PPIG: variants seen among roughly 807,000 people sequenced by gnomAD.
PPIG encodes the protein peptidylprolyl isomerase G, also known as peptidyl-prolyl cis-trans isomerase G.
PPIG carries 26 observed loss-of-function variants against 87.9 expected under a neutral mutation model. The observed-to-expected ratio is 0.30, with a 90% CI of 0.22 to 0.41. The LOEUF is 0.41. PPIG is among the 10% of genes least tolerant of loss of function. The pLI, the probability that PPIG is intolerant of heterozygous loss-of-function variation, is 1.00. For synonymous variants in PPIG, 308 were observed against 276.5 expected (o/e 1.11, Z -1.13); for missense variants, 722 against 879.4 (o/e 0.82, Z 2.26).
intron 1 of PPIG, among the ~76,000 whole-genome samples, chr2:169,598,842 T>TAAATACA (rs1346670671): frequency 7.4e-5 from 11 of 148,918 alleles, no homozygotes; most frequent in African/African-American, 2.7e-4. Context: ...AATATTTATA[T>TAAATACA]GTATATAAAT....
At chr2:169,587,403 A>C (rs1684733260) in intron 1 of PPIG, among the ~76,000 whole-genome samples, 1 of 151,256 alleles carries the variant, frequency 6.6e-6, no homozygotes, top group Non-Finnish European at 1.5e-5. Flanking sequence ...CACCACACCC[A>C]GCTGATTTTT....
chr2:169,624,891 G>C (rs762023778), intron 9 of PPIG, among the ~76,000 whole-genome samples: 9 of 152,100 alleles, frequency 5.9e-5, no homozygotes, highest in Non-Finnish European at 1.0e-4. Flanking sequence ...CGCCCAGCCG[G>C]AAGTAGGTTT....
chr2:169,606,243 C>G (rs140041748), intron 5 of PPIG, 97 bp downstream of exon 5: 1 of 845,922 alleles, frequency 1.2e-6, no homozygotes, highest in Non-Finnish European at 2.0e-6. Context: ...ATTCTTGTCA[C>G]TCTCACTCCA....
Position 169,638,678 on chromosome 2 carries a change from A to G in PPIG, c.*1155A>G, listed in dbSNP as rs1339487870. ...TTAATGTTATTTTAACTTGGCATGT[A>G]TAACATTGCCATATAGAGTAGAGTA... is the stretch of plus-strand genomic sequence containing the variant. On this transcript the variant is annotated 3_prime_UTR_variant, in exon 14 of 14. Coordinates refer to ENST00000260970, the MANE Select transcript of PPIG (RefSeq NM_004792.3). 6.6e-6 allele frequency: 1 copy of G among 152,052 alleles called. No individual in the cohort carries two copies. Among genetic ancestry groups the G allele is most frequent in the Non-Finnish European group, 1.5e-5 (1 of 67,926 alleles). 9.4% of individuals were successfully genotyped at this position (152,052 alleles called of 1,614,324 possible). A position where few individuals can be genotyped will look rare whatever the true frequency, so the allele number is the denominator to read the frequency against.
intron 1 of PPIG, among the ~76,000 whole-genome samples, chr2:169,588,600 A>G (rs965748548): frequency 5.9e-5 from 9 of 152,186 alleles, no homozygotes; most frequent in African/African-American, 1.7e-4. Flanking sequence ...ATATGTATAT[A>G]TCTTTGAAAA....
chr2:169,593,453 C>G (rs1388032831), intron 1 of PPIG, among the ~76,000 whole-genome samples: 1 of 151,972 alleles, frequency 6.6e-6, no homozygotes, highest in Non-Finnish European at 1.5e-5. Flanking sequence ...GCCTTGGCCT[C>G]CCAAAGTAGC....
chr2:169,588,443 T>C (rs1204176122), intron 1 of PPIG, among the ~76,000 whole-genome samples: 1 of 152,222 alleles, frequency 6.6e-6, no homozygotes, highest in Non-Finnish European at 1.5e-5. Flanking sequence ...GAGCCACTCA[T>C]TTCATCTCTT....
At chr2:169,588,176 A>G (rs1684758734) in intron 1 of PPIG, among the ~76,000 whole-genome samples, 1 of 152,104 alleles carries the variant, frequency 6.6e-6, no homozygotes, top group African/African-American at 2.4e-5. Flanking sequence ...AAAATTAAAA[A>G]TAAAAATAAA....
intron 1 of PPIG, among the ~76,000 whole-genome samples, chr2:169,597,502 CTTT>C (rs55683230): frequency 5.3e-5 from 7 of 132,328 alleles, no homozygotes; most frequent in African/African-American, 2.8e-5. Context: ...CTTTTCTTTT[CTTT>C]TTTTTTTTTT....
intron 9 of PPIG, among the ~76,000 whole-genome samples, chr2:169,621,155 G>T (rs748188071): frequency 2.0e-5 from 3 of 151,800 alleles, no homozygotes; most frequent in Non-Finnish European, 2.9e-5. Context: ...CTTAAGAATT[G>T]CCCTAAGTAG....
At chr2:169,587,199 C>T (rs932401113) in intron 1 of PPIG, among the ~76,000 whole-genome samples, 19 of 151,688 alleles carry the variant, frequency 1.3e-4, no homozygotes, top group Middle Eastern at 3.2e-3. Context: ...TCCCAAAGTG[C>T]TGGGATTACA....
At chr2:169,605,993 C>G (rs1289335246) in intron 4 of PPIG, 46 bp from the exon 5 acceptor site, 1 of 1,404,484 alleles carries the variant, frequency 7.1e-7, no homozygotes, top group South Asian at 1.2e-5. Context: ...TTTCATACTA[C>G]TTTGATTTCC....
Position 169,636,480 on chromosome 2 carries a change from G to C in PPIG, c.1222G>C (p.Asp408His). 1 of 1,591,098 alleles carries C rather than the reference G, an allele frequency of 6.3e-7. No individual in the cohort carries two copies. Among genetic ancestry groups the C allele is most frequent in the Non-Finnish European group, 8.5e-7 (1 of 1,172,636 alleles). Residue 408 changes from aspartate (D) to histidine (H), a missense_variant, in exon 14 of 14, where the codon GAT (aspartate) becomes CAT (histidine). Coordinates refer to ENST00000260970, the MANE Select transcript of PPIG (RefSeq NM_004792.3). ...PVRVKERKITDHRNVSESPNR... is the reference protein window; with the variant it reads ...PVRVKERKITHHRNVSESPNR... ...TAGAGTAAAAGAGAGAAAAATAACA[G>C]ATCACAGGAATGTATCTGAGAGTCC... is the stretch of plus-strand genomic sequence containing the variant.
chr2:169,607,162 C>G lies in PPIG; in HGVS notation c.289+14C>G. 1 of 1,439,868 alleles carries G rather than the reference C, an allele frequency of 6.9e-7. No homozygotes were observed. Among genetic ancestry groups the G allele is most frequent in the Non-Finnish European group, 9.7e-7 (1 of 1,032,046 alleles). The allele number at this position is 1,439,868 out of a possible 1,614,324, so 89.2% of individuals were successfully genotyped here. A position where few individuals can be genotyped will look rare whatever the true frequency, so the allele number is the denominator to read the frequency against. ...GATTTTTTGAAGGTAAAAATGTTTA[C>G]ATTTATATTATGTTTTAAATATTTT... On this transcript the variant is annotated intron_variant, in intron 6 of 13. Transcript: ENST00000260970.
intron 9 of PPIG, among the ~76,000 whole-genome samples, chr2:169,625,533 A>T (rs1436159738): frequency 6.6e-6 from 1 of 152,170 alleles, no homozygotes; most frequent in Non-Finnish European, 1.5e-5. Flanking sequence ...TTTTTTAACA[A>T]ATGCTAGTTT....
rs545044355 is a variant in PPIG at position 169,612,604 on chromosome 2, G to T, written c.378-1860G>T. 5.9e-5 allele frequency among the ~76,000 whole-genome samples: 9 copies of T among 151,956 alleles called. 1 individual carries two copies. In the South Asian group the frequency reaches 1.9e-3, roughly 32 times the overall value. On this transcript the variant is annotated intron_variant, in intron 7 of 13. Transcript: ENST00000260970. ...TCACCGTGTTAGCCAGGATGGTCTC[G>T]ATCTCCTGACCCCATGATCCACCCG...
intron 11 of PPIG, among the ~76,000 whole-genome samples, chr2:169,632,513 G>A (rs749036790): frequency 3.3e-5 from 5 of 152,014 alleles, no homozygotes; most frequent in Admixed American, 6.5e-5. Flanking sequence ...AGGCTGAGGC[G>A]GGCAGATCAC....
chr2:169,613,696 A>G (rs1215412835), intron 7 of PPIG, among the ~76,000 whole-genome samples: 1 of 152,168 alleles, frequency 6.6e-6, no homozygotes. Flanking sequence ...TGAAAGGTCA[A>G]AGTGGGAGGA....
chr2:169,637,343 C>G lies in PPIG; in HGVS notation c.2085C>G (p.Ser695Arg). 6.2e-7 allele frequency: 1 copy of G among 1,605,986 alleles called. No individual in the cohort carries two copies. Among genetic ancestry groups the G allele is most frequent in the East Asian group, 2.2e-5 (1 of 44,828 alleles). Residue 695 changes from serine to arginine, a missense_variant, in exon 14 of 14, where the codon AGC (serine) becomes AGG (arginine). By Grantham distance (110) the Ser-to-Arg change is moderately radical (BLOSUM62 -1). This residue lies in a region of PPIG where 476 missense variants were observed against 483.1 expected (regional missense o/e 0.99). Coordinates refer to ENST00000260970, the MANE Select transcript of PPIG (RefSeq NM_004792.3). ...GTCCCTTCTCAAAAATAAAACAAAG[C>G]AGTCAGGACAATGAATTAAAGTCCT... ...DQSPFSKIKQSSQDNELKSSM... is the reference protein window; with the variant it reads ...DQSPFSKIKQRSQDNELKSSM...
Sources: allele counts gnomAD v4.1 joint callset (sites outside exome capture counted in the v4.1 genomes callset), GRCh38; gene constraint gnomAD v4.1.1; regional missense constraint gnomAD v4.1.1; transcripts MANE v1.5; gene names NCBI Gene and HGNC (gene_info 2026-07-23, HGNC 2026-07-21).